ASAP2: variants seen among roughly 807,000 people sequenced by gnomAD.
ASAP2 encodes arf-GAP with SH3 domain, ANK repeat and PH domain-containing protein 2.
A neutral mutation model predicts 131.4 loss-of-function variants in ASAP2; 45 were observed. The ratio of observed to expected loss-of-function variants is 0.34; its 90% CI spans 0.27 to 0.44. The LOEUF (loss-of-function observed/expected upper bound fraction) is 0.44. ASAP2 is among the 20% of genes least tolerant of loss of function. The pLI is 1.00. For synonymous variants in ASAP2, 510 were observed against 503.0 expected (o/e 1.01, Z -0.19); for missense variants, 1,011 against 1,297.0 (o/e 0.78, Z 3.39).
chr2:9,337,076 A>G (rs1359012581), intron 9 of ASAP2, among the ~76,000 whole-genome samples: 2 of 152,266 alleles, frequency 1.3e-5, no homozygotes, highest in Non-Finnish European at 1.5e-5. Context: ...CAAATTTACC[A>G]GCACAGACCA....
At chr2:9,269,164 A>G (rs1014570887) in intron 1 of ASAP2, among the ~76,000 whole-genome samples, 7 of 152,078 alleles carry the variant, frequency 4.6e-5, no homozygotes, top group African/African-American at 1.7e-4. Context: ...CAAATTTTTT[A>G]TTAATGAAAT....
chr2:9,348,404 C>T (rs1295601916), intron 11 of ASAP2, among the ~76,000 whole-genome samples: 6 of 152,196 alleles, frequency 3.9e-5, no homozygotes, highest in East Asian at 1.9e-4. Context: ...GGATTACAGG[C>T]GTGAGCTACT....
chr2:9,214,596 A>C (rs1396376818), intron 1 of ASAP2, among the ~76,000 whole-genome samples: 1 of 151,794 alleles, frequency 6.6e-6, no homozygotes, highest in Non-Finnish European at 1.5e-5. Context: ...AATGTCTTGG[A>C]ATAAACAGAC....
chr2:9,273,948 C>T (rs1475788336), intron 1 of ASAP2, among the ~76,000 whole-genome samples: 1 of 152,182 alleles, frequency 6.6e-6, no homozygotes, highest in Non-Finnish European at 1.5e-5. Flanking sequence ...TGGGAAAGGG[C>T]CATTGTCATC....
At chr2:9,365,637 A>G (rs1673410510) in intron 15 of ASAP2, among the ~76,000 whole-genome samples, 2 of 152,202 alleles carry the variant, frequency 1.3e-5, no homozygotes, top group South Asian at 4.1e-4. Context: ...GGAGATGCCC[A>G]CACACAGACG....
At chr2:9,245,261 G>A (rs1442456493) in intron 1 of ASAP2, among the ~76,000 whole-genome samples, 2 of 152,172 alleles carry the variant, frequency 1.3e-5, no homozygotes, top group African/African-American at 2.4e-5. Flanking sequence ...GAGGGTGTTG[G>A]TGTGACTATC....
chr2:9,253,519 C>T (rs938887767), intron 1 of ASAP2, among the ~76,000 whole-genome samples: 22 of 152,166 alleles, frequency 1.4e-4, no homozygotes, highest in African/African-American at 5.3e-4. Context: ...GTCTAAGCAC[C>T]CTACAGATGT....
At position 9,361,896 on chromosome 2, in the gene ASAP2, A is replaced by G. The variant is rs115499783; in HGVS notation, c.1461+3007A>G. Reference sequence around the variant, plus strand: ...CTTTTAAAAGTATCCAGATTGTTTTATTTTGCTTAGACAATCAGGTACTGG... The same window carrying G: ...CTTTTAAAAGTATCCAGATTGTTTTGTTTTGCTTAGACAATCAGGTACTGG... On this transcript the variant is annotated intron_variant, in intron 15 of 27. Coordinates refer to ENST00000281419, the MANE Select transcript of ASAP2 (RefSeq NM_003887.3). Among the ~76,000 whole-genome samples, 740 of 151,096 alleles carry G rather than the reference A, an allele frequency of 4.9e-3. 5 individuals are homozygous for G. The highest frequency in any genetic ancestry group is 0.017 in the African/African-American group (717 of 41,064).
chr2:9,248,779 A>G (rs551194499), intron 1 of ASAP2, among the ~76,000 whole-genome samples: 1 of 152,074 alleles, frequency 6.6e-6, no homozygotes, highest in Non-Finnish European at 1.5e-5. Context: ...ATTAGATGGC[A>G]GTTCTTTATG....
chr2:9,326,798 C>T (rs1288768675), intron 6 of ASAP2, among the ~76,000 whole-genome samples: 1 of 152,144 alleles, frequency 6.6e-6, no homozygotes, highest in Non-Finnish European at 1.5e-5. Flanking sequence ...ATGTTAATTT[C>T]CCACTCATTA....
intron 1 of ASAP2, among the ~76,000 whole-genome samples, chr2:9,237,509 T>C (rs925223726): frequency 1.3e-5 from 2 of 151,206 alleles, no homozygotes; most frequent in African/African-American, 4.9e-5. Context: ...CCTCCTAGGC[T>C]CCAGCAATCT....
At chr2:9,377,969 G>A (rs1002086152) in intron 18 of ASAP2, among the ~76,000 whole-genome samples, 2 of 152,148 alleles carry the variant, frequency 1.3e-5, no homozygotes, top group African/African-American at 2.4e-5. Flanking sequence ...TGATAGCTGC[G>A]TGATGCCTCT....
chr2:9,208,351 G>C (rs73151901), intron 1 of ASAP2, among the ~76,000 whole-genome samples: 2 of 149,056 alleles, frequency 1.3e-5, no homozygotes, highest in East Asian at 2.0e-4. Flanking sequence ...GTGTGTGGGT[G>C]GGGGGGTGGG....
At chr2:9,271,248 G>A (rs1226830988) in intron 1 of ASAP2, 7 of 701,778 alleles carry the variant, frequency 1.0e-5, no homozygotes, top group Non-Finnish European at 1.8e-5. Flanking sequence ...CTCATTGCAA[G>A]GAAATCCTCA....
intron 1 of ASAP2, among the ~76,000 whole-genome samples, chr2:9,225,459 C>T (rs1406378679): frequency 6.6e-6 from 1 of 152,146 alleles, no homozygotes; most frequent in Non-Finnish European, 1.5e-5. Context: ...GAAATGTATA[C>T]TAAATGAAAG....
intron 21 of ASAP2, 87 bp from the exon 22 acceptor site, chr2:9,388,207 G>A: frequency 6.5e-7 from 1 of 1,544,390 alleles, no homozygotes; most frequent in Non-Finnish European, 8.8e-7. Context: ...GTTGGTGTCA[G>A]TGAGGTTTTC....
chr2:9,399,927 T>G, intron 24 of ASAP2, 96 bp from the exon 25 acceptor site: 1 of 1,315,738 alleles, frequency 7.6e-7, no homozygotes. Context: ...TCACACACTC[T>G]GAGCTTGAAC....
chr2:9,261,627 T>C (rs2148201155), intron 1 of ASAP2, among the ~76,000 whole-genome samples: 1 of 152,366 alleles, frequency 6.6e-6, no homozygotes, highest in Non-Finnish European at 1.5e-5. Flanking sequence ...AGGCCTTTCT[T>C]TCCCTGGGAG....
chr2:9,269,003 T>G (rs757476237), intron 1 of ASAP2, among the ~76,000 whole-genome samples: 1 of 151,956 alleles, frequency 6.6e-6, no homozygotes, highest in Non-Finnish European at 1.5e-5. Flanking sequence ...CAGGGGCCGC[T>G]GGTGCTGTGG....
Sources: gnomAD v4.1 joint callset for allele counts (sites outside exome capture counted in the v4.1 genomes callset) on GRCh38, gnomAD v4.1.1 for gene constraint, MANE v1.5 for transcripts, NCBI Gene and HGNC (gene_info 2026-07-23, HGNC 2026-07-21) for gene names.